Variants in KIAA1671 observed in about 807,000 individuals in gnomAD.
The protein encoded by KIAA1671 is KIAA1671.
A neutral mutation model predicts 131.2 loss-of-function variants in KIAA1671; 52 were observed. That is an observed-to-expected ratio of 0.40 (90% CI 0.32 to 0.50). The LOEUF (loss-of-function observed/expected upper bound fraction) is 0.50. KIAA1671 is among the 20% of genes least tolerant of loss of function. The pLI, the probability that KIAA1671 is intolerant of heterozygous loss-of-function variation, is 0.73. For missense variants in KIAA1671, 2,360 were observed against 2,364.2 expected (o/e 1.00, Z 0.04); for synonymous variants, 1,003 against 961.6 (o/e 1.04, Z -0.80).
intron 1 of KIAA1671, among the ~76,000 whole-genome samples, chr22:25,025,001 C>A (rs773761198): frequency 1.4e-5 from 2 of 145,230 alleles, no homozygotes; most frequent in African/African-American, 5.1e-5. Flanking sequence ...AGATGGTTGT[C>A]CCAGAGAACA....
At chr22:24,982,412 C>T (rs552946701) in intron 1 of KIAA1671, among the ~76,000 whole-genome samples, 8 of 152,340 alleles carry the variant, frequency 5.3e-5, no homozygotes, top group Admixed American at 2.0e-4. Flanking sequence ...TCATGGAGAC[C>T]TTCTCCTGGC....
intron 6 of KIAA1671, among the ~76,000 whole-genome samples, chr22:25,120,053 C>T (rs1931857939): frequency 6.6e-6 from 1 of 152,162 alleles, no homozygotes; most frequent in African/African-American, 2.4e-5. Flanking sequence ...TTCTTGAGTG[C>T]CTGCTGTGTG....
rs1926840458 is a variant in KIAA1671, at chr22:25,040,328, T to C, written c.3198T>C (p.Ser1066=). ...RKITPPSSPH[S]LTSTLVSLGH... ...TCACTCCACCCTCGTCTCCTCATTCTTTAACATCCACTTTGGTTTCTCTTG... is the reference window on the plus strand; with the variant it reads ...TCACTCCACCCTCGTCTCCTCATTCCTTAACATCCACTTTGGTTTCTCTTG... Residue 1066 remains serine (S), a synonymous_variant, in exon 5 of 13, where the codon TCT becomes TCC. Coordinates refer to ENST00000358431, the MANE Select transcript of KIAA1671 (RefSeq NM_001145206.2). The C allele has an allele frequency of 6.4e-7, 1 of 1,551,670 alleles. No individual in the cohort carries two copies. Among genetic ancestry groups the C allele is most frequent in the African/African-American group, 1.4e-5 (1 of 73,050 alleles).
chr22:25,167,051 A>G (rs1361757295), intron 6 of KIAA1671, among the ~76,000 whole-genome samples: 1 of 152,046 alleles, frequency 6.6e-6, no homozygotes, highest in Admixed American at 6.5e-5. Context: ...CACATCTTTG[A>G]AAACAGTAAG....
intron 6 of KIAA1671, among the ~76,000 whole-genome samples, chr22:25,093,761 TCTCTCTGTCTCTCTC>T (rs1930201199): frequency 2.6e-5 from 3 of 114,688 alleles, no homozygotes; most frequent in Admixed American, 8.2e-5. Flanking sequence ...TCTCTCTCTC[TCTCTCTGTCTCTCTC>T]TCTCTCTCTC....
Position 25,093,768 on chromosome 22 carries a change from G to GTCTCTCTCTC in KIAA1671, c.4530+44438_4530+44447dup, listed in dbSNP as rs71191028. ...TCTCTCTCTCTCTCTCTCTCTCTCTGTCTCTCTCTCTCTCTCTCTCTCTCT... is the reference window on the plus strand; with the variant it reads ...TCTCTCTCTCTCTCTCTCTCTCTCTGTCTCTCTCTCTCTCTCTCTCTCTCTCTCTCTCTCT... On this transcript the variant is annotated intron_variant, in intron 6 of 12. Transcript: ENST00000358431. Among the ~76,000 whole-genome samples the GTCTCTCTCTC allele has an allele frequency of 3.6e-4, 22 of 60,744 alleles. 2 individuals are homozygous for GTCTCTCTCTC. Among genetic ancestry groups the GTCTCTCTCTC allele is most frequent in the East Asian group, 1.3e-3 (3 of 2,358 alleles). 39.9% of individuals were successfully genotyped at this position (60,744 alleles called of 152,430 possible).
intron 1 of KIAA1671, among the ~76,000 whole-genome samples, chr22:24,999,472 C>T (rs1345279882): frequency 6.6e-6 from 1 of 150,988 alleles, no homozygotes; most frequent in Admixed American, 6.6e-5. Flanking sequence ...CTCAAGTGAT[C>T]CTCTCTCAGC....
intron 1 of KIAA1671, among the ~76,000 whole-genome samples, chr22:24,963,756 T>C (rs1922141428): frequency 1.3e-5 from 2 of 151,140 alleles, no homozygotes; most frequent in South Asian, 2.1e-4. Context: ...CTGGCTAACA[T>C]GGTGAAACCC....
intron 6 of KIAA1671, among the ~76,000 whole-genome samples, chr22:25,114,656 C>T (rs1931563316): frequency 6.6e-6 from 1 of 152,020 alleles, no homozygotes; most frequent in African/African-American, 2.4e-5. Context: ...TGAGCGTGGC[C>T]GTTCTTAGCT....
At chr22:25,003,707 C>T (rs1005370730) in intron 1 of KIAA1671, among the ~76,000 whole-genome samples, 7 of 151,954 alleles carry the variant, frequency 4.6e-5, no homozygotes, top group African/African-American at 9.7e-5. Flanking sequence ...CCACTGCGCC[C>T]GGCCCACTTG....
intron 1 of KIAA1671, among the ~76,000 whole-genome samples, chr22:25,015,877 T>C (rs893167875): frequency 4.6e-5 from 7 of 152,202 alleles, no homozygotes; most frequent in Admixed American, 4.6e-4. Context: ...TTGCTAATTA[T>C]GTCAATTCTT....
intron 6 of KIAA1671, among the ~76,000 whole-genome samples, chr22:25,105,059 T>C (rs1930923565): frequency 6.6e-6 from 1 of 152,092 alleles, no homozygotes; most frequent in Admixed American, 6.6e-5. Flanking sequence ...AGTCTCGCTC[T>C]GTTGCCCAGG....
intron 6 of KIAA1671, among the ~76,000 whole-genome samples, chr22:25,080,375 C>T (rs895976645): frequency 1.5e-4 from 23 of 152,074 alleles, no homozygotes; most frequent in African/African-American, 5.3e-4. Flanking sequence ...TGTGAGATTC[C>T]TCAGCCCCTT....
intron 6 of KIAA1671, among the ~76,000 whole-genome samples, chr22:25,122,914 G>T (rs1932010812): frequency 6.6e-6 from 1 of 152,052 alleles, no homozygotes; most frequent in East Asian, 2.0e-4. Flanking sequence ...GACAGAGCTT[G>T]CAGTGAGCTG....
chr22:25,116,871 G>A (rs958607340), intron 6 of KIAA1671, among the ~76,000 whole-genome samples: 3 of 152,190 alleles, frequency 2.0e-5, no homozygotes, highest in African/African-American at 7.2e-5. Context: ...TCATATATGT[G>A]CTGAAAATGA....
intron 1 of KIAA1671, among the ~76,000 whole-genome samples, chr22:25,015,249 GGCAGCA>G (rs903069228): frequency 3.0e-4 from 41 of 137,238 alleles, no homozygotes; most frequent in Admixed American, 5.2e-4. Context: ...AAAAAAAAAA[GGCAGCA>G]GCAGCAGCAA....
At chr22:25,118,437 C>T (rs901549248) in intron 6 of KIAA1671, among the ~76,000 whole-genome samples, 1 of 152,120 alleles carries the variant, frequency 6.6e-6, no homozygotes, top group South Asian at 2.1e-4. Flanking sequence ...TACAGGTGTA[C>T]ACCACCACAC....
intron 6 of KIAA1671, among the ~76,000 whole-genome samples, chr22:25,167,000 G>C (rs1933669132): frequency 6.6e-6 from 1 of 152,166 alleles, no homozygotes; most frequent in Admixed American, 6.5e-5. Context: ...CTCTGAATCT[G>C]ACCTCTGAAG....
At chr22:25,184,903 C>T in intron 10 of KIAA1671, 74 bp from the exon 11 acceptor site, 1 of 1,528,428 alleles carries the variant, frequency 6.5e-7, no homozygotes, top group Non-Finnish European at 8.9e-7. Context: ...CTCATTGTAC[C>T]TGACATTTGC....
Sources: gnomAD v4.1 joint callset for allele counts (sites outside exome capture counted in the v4.1 genomes callset) on GRCh38, gnomAD v4.1.1 for gene constraint, MANE v1.5 for transcripts, NCBI Gene and HGNC (gene_info 2026-07-23, HGNC 2026-07-21) for gene names.